The following CENPW variants were observed in gnomAD, a reference collection of about 807,000 sequenced individuals.
CENPW encodes centromere protein W, also known as cancer-up-regulated gene 2 protein.
A neutral mutation model predicts 11.1 loss-of-function variants in CENPW; 3 were observed. The ratio of observed to expected loss-of-function variants is 0.27; its 90% CI spans 0.12 to 0.70. CENPW has a LOEUF of 0.70. CENPW is among the 30% of genes least tolerant of loss of function. The pLI is 0.77. For synonymous variants in CENPW, 38 were observed against 42.0 expected (o/e 0.91, Z 0.37); for missense variants, 100 against 105.6 (o/e 0.95, Z 0.23).
At chr6:126,412,159 T>C in the CENPW span, among the ~76,000 whole-genome samples, 2 of 127,206 alleles carry the variant, frequency 1.6e-5, no homozygotes, top group African/African-American at 5.9e-5. Context: ...GTTGAGTTTT[T>C]AAATTTTTTG....
At chr6:126,387,161 T>C in the CENPW span, among the ~76,000 whole-genome samples, 3 of 151,908 alleles carry the variant, frequency 2.0e-5, no homozygotes, top group African/African-American at 7.2e-5. Flanking sequence ...CCTTTCTACT[T>C]TTCACTGAGA....
At chr6:126,439,519 G>GT in the CENPW span, among the ~76,000 whole-genome samples, 1 of 151,512 alleles carries the variant, frequency 6.6e-6, no homozygotes, top group Non-Finnish European at 1.5e-5. Context: ...GGAAAGAGGA[G>GT]TTTTTTCCTC....
chr6:126,352,149 G>A (rs1055299655), downstream of CENPW, among the ~76,000 whole-genome samples: 3 of 152,082 alleles, frequency 2.0e-5, no homozygotes, highest in Admixed American at 6.6e-5. Flanking sequence ...TGTAAATAAA[G>A]CTTTATTGGA....
chr6:126,458,062 A>G, the CENPW span, among the ~76,000 whole-genome samples: 5 of 151,148 alleles, frequency 3.3e-5, no homozygotes, highest in African/African-American at 9.7e-5. Context: ...ACTGTCTTCT[A>G]TTTCTTCTAT....
chr6:126,414,029 A>T, the CENPW span, among the ~76,000 whole-genome samples: 2 of 152,128 alleles, frequency 1.3e-5, no homozygotes, highest in African/African-American at 4.8e-5. Flanking sequence ...CTATACTTAT[A>T]TTGGATAAAA....
At chr6:126,411,556 T>A in the CENPW span, among the ~76,000 whole-genome samples, 1 of 152,100 alleles carries the variant, frequency 6.6e-6, no homozygotes, top group East Asian at 1.9e-4. Flanking sequence ...ACTCTCTGTA[T>A]CAGGGTCAGA....
At chr6:126,462,460 AC>A in the CENPW span, among the ~76,000 whole-genome samples, 1 of 150,578 alleles carries the variant, frequency 6.6e-6, no homozygotes, top group Non-Finnish European at 1.5e-5. Context: ...GAAAATGAAA[AC>A]TTTTATCTCT....
chr6:126,359,120 A>G, the CENPW span, among the ~76,000 whole-genome samples: 2 of 151,896 alleles, frequency 1.3e-5, no homozygotes, highest in Non-Finnish European at 2.9e-5. Flanking sequence ...GATTTGGGTA[A>G]GTTATATCCC....
downstream of CENPW, among the ~76,000 whole-genome samples, chr6:126,351,383 T>TA (rs1033670115): frequency 6.6e-6 from 1 of 152,070 alleles, no homozygotes; most frequent in African/African-American, 2.4e-5. Context: ...GTTGGGGAGT[T>TA]AGAGACTGAA....
At chr6:126,467,071 A>G in the CENPW span, among the ~76,000 whole-genome samples, 4 of 152,194 alleles carry the variant, frequency 2.6e-5, no homozygotes, top group South Asian at 6.2e-4. Flanking sequence ...ATAATTCCCA[A>G]AGCAATGTAT....
the CENPW span, among the ~76,000 whole-genome samples, chr6:126,428,788 T>C: frequency 5.9e-5 from 9 of 152,208 alleles, no homozygotes; most frequent in East Asian, 1.7e-3. Context: ...CTTGTTTTTT[T>C]TGTAAAGTTG....
the CENPW span, among the ~76,000 whole-genome samples, chr6:126,454,929 G>A: frequency 3.5e-3 from 529 of 151,038 alleles, 3 homozygotes; most frequent in Non-Finnish European, 6.3e-3. Flanking sequence ...CCCCTCAAAA[G>A]TACTATGAAC....
chr6:126,411,892 C>T, the CENPW span, among the ~76,000 whole-genome samples: 2 of 148,300 alleles, frequency 1.3e-5, no homozygotes, highest in African/African-American at 5.0e-5. Flanking sequence ...TCCTTCCTAC[C>T]TTCCTTCCTT....
the CENPW span, among the ~76,000 whole-genome samples, chr6:126,464,421 A>G: frequency 6.6e-6 from 1 of 152,042 alleles, no homozygotes; most frequent in African/African-American, 2.4e-5. Context: ...TGACTAAGAG[A>G]TTAACATTTG....
the CENPW span, among the ~76,000 whole-genome samples, chr6:126,463,061 A>T: frequency 7.2e-5 from 11 of 152,054 alleles, no homozygotes; most frequent in Admixed American, 2.6e-4. Context: ...TTAGGTATAA[A>T]GTCTGGAATC....
At chr6:126,455,873 G>T in the CENPW span, among the ~76,000 whole-genome samples, 2 of 151,246 alleles carry the variant, frequency 1.3e-5, no homozygotes, top group Admixed American at 6.6e-5. Context: ...CTTCAGCAAA[G>T]GTTTTGGATA....
At chr6:126,352,718 C>T (rs527338932), downstream of CENPW, among the ~76,000 whole-genome samples, 81 of 152,120 alleles carry the variant, frequency 5.3e-4, no homozygotes, top group African/African-American at 1.8e-3. Flanking sequence ...TTTGTGTTTT[C>T]ATCTTATCTG....
the CENPW span, among the ~76,000 whole-genome samples, chr6:126,437,995 T>C: frequency 6.6e-6 from 1 of 151,640 alleles, no homozygotes; most frequent in Non-Finnish European, 1.5e-5. Context: ...TATTTATTGA[T>C]CAATTGGAAA....
chr6:126,462,260 G>A, the CENPW span, among the ~76,000 whole-genome samples: 15 of 151,628 alleles, frequency 9.9e-5, no homozygotes, highest in South Asian at 4.1e-4. Context: ...CCATCATCTC[G>A]GACAGCTTTC....
Sources: allele counts gnomAD v4.1 joint callset (sites outside exome capture counted in the v4.1 genomes callset), GRCh38; gene constraint gnomAD v4.1.1; transcripts MANE v1.5; gene names NCBI Gene and HGNC (gene_info 2026-07-23, HGNC 2026-07-21).